SPATC1L: variants seen among roughly 807,000 people sequenced by gnomAD.
The protein encoded by SPATC1L is speriolin-like protein.
Under a neutral mutation model 21.2 loss-of-function variants are expected in SPATC1L, and 20 were observed. The observed-to-expected ratio is 0.94, with a 90% CI of 0.66 to 1.37. The LOEUF (loss-of-function observed/expected upper bound fraction) is 1.37. SPATC1L is among the 40% of genes most tolerant of loss of function. The pLI, the probability that SPATC1L is intolerant of heterozygous loss-of-function variation, is 0.00. For missense variants in SPATC1L, 499 were observed against 478.7 expected, an observed-to-expected ratio of 1.04 and a Z score of -0.40; for synonymous variants, 290 against 234.5, an observed-to-expected ratio of 1.24 and a Z score of -2.16.
At chr21:46,167,965 A>T (rs2079552348) in intron 3 of SPATC1L, among the ~76,000 whole-genome samples, 1 of 152,228 alleles carries the variant, frequency 6.6e-6, no homozygotes, top group South Asian at 2.1e-4. Flanking sequence ...TCATCAAATT[A>T]AACAGTTTTG....
chr21:46,181,833 G>A (rs2079676501), intron 2 of SPATC1L, among the ~76,000 whole-genome samples: 1 of 152,190 alleles, frequency 6.6e-6, no homozygotes, highest in Admixed American at 6.5e-5. Context: ...TGCTGGGTCA[G>A]GGACTCTGTC....
At chr21:46,178,257 C>CAA (rs1477962807) in intron 2 of SPATC1L, among the ~76,000 whole-genome samples, 2 of 124,108 alleles carry the variant, frequency 1.6e-5, no homozygotes, top group Non-Finnish European at 3.4e-5. Context: ...AAAAAAAAAA[C>CAA]CAGAATGAGA....
At chr21:46,165,777 G>A (rs1302444680) in intron 3 of SPATC1L, among the ~76,000 whole-genome samples, 2 of 151,790 alleles carry the variant, frequency 1.3e-5, no homozygotes, top group African/African-American at 4.9e-5. Context: ...AACTTTGTTG[G>A]TGTGTTCCTC....
chr21:46,173,486 G>A (rs2079608527), intron 2 of SPATC1L, among the ~76,000 whole-genome samples: 1 of 151,910 alleles, frequency 6.6e-6, no homozygotes, highest in South Asian at 2.1e-4. Flanking sequence ...CAGCATGCAG[G>A]AGTCCAGTGG....
intron 2 of SPATC1L, among the ~76,000 whole-genome samples, chr21:46,172,490 C>T (rs914160178): frequency 3.9e-5 from 6 of 152,252 alleles, no homozygotes; most frequent in Non-Finnish European, 7.3e-5. Context: ...AGGAAGGACT[C>T]TTCCACAGCA....
chr21:46,181,866 A>T (rs905174163), intron 2 of SPATC1L, among the ~76,000 whole-genome samples: 6 of 152,120 alleles, frequency 3.9e-5, no homozygotes, highest in African/African-American at 1.4e-4. Context: ...TCCCAACAAA[A>T]AGTCAAGGGT....
At chr21:46,183,987 C>G (rs940437951) in intron 1 of SPATC1L, among the ~76,000 whole-genome samples, 5 of 151,850 alleles carry the variant, frequency 3.3e-5, no homozygotes, top group Non-Finnish European at 7.4e-5. Flanking sequence ...GGAGACCAGC[C>G]TAGGGTGGGG....
chr21:46,163,432 C>T (rs1189404831), intron 3 of SPATC1L, among the ~76,000 whole-genome samples: 3 of 152,154 alleles, frequency 2.0e-5, no homozygotes, highest in East Asian at 1.9e-4. Context: ...TCCAAGGTCA[C>T]GAAGATTTAC....
rs979003791 is a variant in SPATC1L, at chr21:46,182,939, C to T, written c.-123G>A. On this transcript the variant is annotated 5_prime_UTR_variant, in exon 2 of 5. The change creates a new upstream start codon in the 5' untranslated region. Coordinates refer to ENST00000291672, the MANE Select transcript of SPATC1L (RefSeq NM_001142854.2). ...GTTCCGTAGCCACCACCGCCTTCCA[C>T]GCCTTGTGATGTCACTGCCCTAGTG... The T allele has an allele frequency of 9.7e-6, 10 of 1,031,300 alleles. No homozygotes were observed. The highest frequency in any genetic ancestry group is 7.1e-5 in the South Asian group (4 of 56,302). 63.9% of individuals were successfully genotyped at this position (1,031,300 alleles called of 1,614,324 possible).
Position 46,161,928 on chromosome 21 carries a change from C to T in SPATC1L, c.684G>A (p.Glu228=), listed in dbSNP as rs964245703. ...LYGFTVANIP[E]KIEQTSTKSL... is the part of the protein sequence containing the mutation. ...CCACGGGGCGCACCTGCTCGATCTT[C>T]TCGGGGATGTTGGCCACCGTGAAGC... Residue 228 remains glutamate, a synonymous_variant, in exon 4 of 5, where the codon GAG becomes GAA. Transcript: ENST00000291672. 10 of 1,607,002 alleles carry T rather than the reference C, an allele frequency of 6.2e-6. No homozygotes were observed. Among genetic ancestry groups the T allele is most frequent in the Non-Finnish European group, 8.5e-6 (10 of 1,179,352 alleles).
Position 46,183,216 on chromosome 21 carries a change from C to T in SPATC1L, c.-400G>A, listed in dbSNP as rs927554286. On this transcript the variant is annotated 5_prime_UTR_variant, in exon 2 of 5. Coordinates refer to ENST00000291672, the MANE Select transcript of SPATC1L (RefSeq NM_001142854.2). ...GTGGTGTCCTCAAGCTGGGTGGGGA[C>T]GCTGCCTTCACCCGAGTAACATGTG... 6 of 219,042 alleles carry T rather than the reference C, an allele frequency of 2.7e-5. No homozygotes were observed. Among genetic ancestry groups the T allele is most frequent in the East Asian group, 1.1e-4 (1 of 9,358 alleles). The allele number at this position is 219,042 out of a possible 1,614,324, so 13.6% of individuals were successfully genotyped here.
At chr21:46,178,253 A>AAC (rs1569004037) in intron 2 of SPATC1L, among the ~76,000 whole-genome samples, 6 of 147,416 alleles carry the variant, frequency 4.1e-5, no homozygotes, top group African/African-American at 7.7e-5. Context: ...AAAAAAAAAA[A>AAC]AAACCAGAAT....
intron 2 of SPATC1L, among the ~76,000 whole-genome samples, chr21:46,178,647 G>T (rs1010172975): frequency 5.9e-5 from 9 of 152,192 alleles, no homozygotes; most frequent in Non-Finnish European, 1.3e-4. Context: ...AGCACTTTGG[G>T]AGGCCGAGGT....
At chr21:46,161,855 C>G (rs529290515) in intron 4 of SPATC1L, 61 bp downstream of exon 4, 2 of 1,569,694 alleles carry the variant, frequency 1.3e-6, no homozygotes, top group African/African-American at 2.7e-5. Context: ...ATCTGGGGGC[C>G]GCACAGGGAC....
intron 2 of SPATC1L, among the ~76,000 whole-genome samples, chr21:46,172,554 C>G (rs894322508): frequency 6.6e-6 from 1 of 152,236 alleles, no homozygotes; most frequent in Admixed American, 6.5e-5. Context: ...TGGTCCTTCC[C>G]ACAGCTGGTC....
intron 2 of SPATC1L, among the ~76,000 whole-genome samples, chr21:46,180,241 C>T (rs908895122): frequency 6.6e-6 from 1 of 152,164 alleles, no homozygotes; most frequent in African/African-American, 2.4e-5. Flanking sequence ...TGGGGAATGC[C>T]GCGAAATGGA....
chr21:46,162,295 G>C (rs1350262494), intron 3 of SPATC1L, among the ~76,000 whole-genome samples: 1 of 152,164 alleles, frequency 6.6e-6, no homozygotes, highest in Non-Finnish European at 1.5e-5. Flanking sequence ...GTCCCTTTGC[G>C]ATGAGGTAAA....
rs766227022 is a variant in SPATC1L, at chr21:46,168,399, C to G, written c.453G>C (p.Glu151Asp). Residue 151 changes from glutamate to aspartate, a missense_variant, in exon 3 of 5, where the codon GAG becomes GAC. Coordinates refer to ENST00000291672, the MANE Select transcript of SPATC1L (RefSeq NM_001142854.2). Reference protein sequence around the residue: ...QDSLVDKTLLEPREMVRPKKV... With the variant: ...QDSLVDKTLLDPREMVRPKKV... ...TCTTAGGCCGGACCATCTCCCTGGG[C>G]TCCAGCAGGGTCTTGTCCACCAGTG... is the stretch of plus-strand genomic sequence containing the variant. 3.1e-6 allele frequency: 5 copies of G among 1,613,138 alleles called. No homozygotes were observed. In the Admixed American group the frequency reaches 8.3e-5, roughly 27 times the overall value.
chr21:46,161,607 G>A lies in SPATC1L; in HGVS notation c.795C>T (p.Gly265=). ...ACGCCGGGTGCACGTCGCGGCTGTA[G>A]CCCAGCTTCTCCAGGCGCGCGCTCA... ...LALSARLEKL[G]YSRDVHPAFS... Residue 265 remains glycine, a synonymous_variant, in exon 5 of 5, where the codon GGC becomes GGT. Transcript: ENST00000291672. The A allele has an allele frequency of 2.5e-6, 4 of 1,610,544 alleles. No individual in the cohort carries two copies. Among genetic ancestry groups the A allele is most frequent in the Non-Finnish European group, 3.4e-6 (4 of 1,179,096 alleles).
Sources: gnomAD v4.1 joint callset for allele counts (sites outside exome capture counted in the v4.1 genomes callset) on GRCh38, gnomAD v4.1.1 for gene constraint, MANE v1.5 for transcripts, NCBI Gene and HGNC (gene_info 2026-07-23, HGNC 2026-07-21) for gene names.